Variants in CLSTN2 observed in about 807,000 individuals in gnomAD.
CLSTN2 encodes the protein calsyntenin-2.
In CLSTN2, 48 loss-of-function variants were observed where a neutral mutation model predicts 101.2. The ratio of observed to expected loss-of-function variants is 0.47; its 90% CI spans 0.38 to 0.60. CLSTN2 has a LOEUF of 0.60. Among genes scored for constraint, CLSTN2 ranks in the 20% least tolerant of loss-of-function variants. The pLI, the probability that CLSTN2 is intolerant of heterozygous loss-of-function variation, is 0.00. For synonymous variants in CLSTN2, 481 were observed against 463.6 expected, an observed-to-expected ratio of 1.04 and a Z score of -0.48; for missense variants, 1,160 against 1,238.2, an observed-to-expected ratio of 0.94 and a Z score of 0.95.
intron 1 of CLSTN2, among the ~76,000 whole-genome samples, chr3:140,142,293 A>G (rs1313898550): frequency 6.6e-6 from 1 of 152,154 alleles, no homozygotes; most frequent in Non-Finnish European, 1.5e-5. Context: ...GCTTGAAACA[A>G]GGGATGTCCA....
chr3:140,209,639 C>T (rs961063364), intron 2 of CLSTN2, among the ~76,000 whole-genome samples: 3 of 152,112 alleles, frequency 2.0e-5, no homozygotes, highest in African/African-American at 7.2e-5. Flanking sequence ...ACTGTCCGTA[C>T]TGCTGCCTGA....
chr3:140,124,665 G>A (rs2107801010), intron 1 of CLSTN2, among the ~76,000 whole-genome samples: 1 of 152,330 alleles, frequency 6.6e-6, no homozygotes, highest in East Asian at 1.9e-4. Flanking sequence ...GCAGCCATCA[G>A]AGGCCCTGTT....
chr3:140,023,113 C>T (rs952781758), intron 1 of CLSTN2, among the ~76,000 whole-genome samples: 2 of 152,148 alleles, frequency 1.3e-5, no homozygotes, highest in African/African-American at 4.8e-5. Flanking sequence ...CTGCCACTCA[C>T]CCAAAACCAG....
chr3:140,349,375 G>C (rs776791054), intron 2 of CLSTN2, among the ~76,000 whole-genome samples: 3 of 152,126 alleles, frequency 2.0e-5, no homozygotes, highest in Non-Finnish European at 2.9e-5. Flanking sequence ...TTTGTCACTG[G>C]GTCAGAACCT....
intron 8 of CLSTN2, among the ~76,000 whole-genome samples, chr3:140,483,334 A>G (rs1237461566): frequency 1.3e-5 from 2 of 152,038 alleles, no homozygotes; most frequent in Non-Finnish European, 2.9e-5. Context: ...CTGTTCTTTT[A>G]TATTTGCTGA....
intron 2 of CLSTN2, among the ~76,000 whole-genome samples, chr3:140,391,666 TAA>T (rs1293425722): frequency 2.0e-5 from 3 of 151,856 alleles, no homozygotes; most frequent in South Asian, 2.1e-4. Context: ...TTTACAATAT[TAA>T]GTTTTTTTAA....
rs538769251 is a variant in CLSTN2 at position 140,484,030 on chromosome 3, G to A, written c.1344+17299G>A. ...ATGATGTTAGCTGGTTATTTTGCTCGTTAGTTGATGCATTTTCTTCCTAGC... is the reference window on the plus strand; with the variant it reads ...ATGATGTTAGCTGGTTATTTTGCTCATTAGTTGATGCATTTTCTTCCTAGC... On this transcript the variant is annotated intron_variant, in intron 8 of 16. Transcript: ENST00000458420. Among the ~76,000 whole-genome samples, 10 of 152,230 alleles carry A rather than the reference G, an allele frequency of 6.6e-5. No individual in the cohort carries two copies. In the South Asian group the frequency reaches 1.0e-3, roughly 16 times the overall value.
chr3:140,089,511 C>T (rs896620252), intron 1 of CLSTN2, among the ~76,000 whole-genome samples: 18 of 152,092 alleles, frequency 1.2e-4, no homozygotes, highest in African/African-American at 3.9e-4. Context: ...CTCTAAACTC[C>T]CAAAGCAGTA....
intron 5 of CLSTN2, among the ~76,000 whole-genome samples, chr3:140,435,655 A>T (rs2108000605): frequency 6.6e-6 from 1 of 152,300 alleles, no homozygotes; most frequent in East Asian, 1.9e-4. Context: ...ACCGTTCTCC[A>T]TAGTAGTTGT....
At chr3:140,529,829 T>G (rs1480775283) in intron 8 of CLSTN2, among the ~76,000 whole-genome samples, 1 of 152,204 alleles carries the variant, frequency 6.6e-6, no homozygotes, top group Non-Finnish European at 1.5e-5. Context: ...CTGTTGATGT[T>G]GGAGAATATA....
chr3:140,344,482 T>C (rs1028996279), intron 2 of CLSTN2, among the ~76,000 whole-genome samples: 1 of 152,134 alleles, frequency 6.6e-6, no homozygotes, highest in Non-Finnish European at 1.5e-5. Flanking sequence ...TGAAGAGTAA[T>C]CTAATCTATC....
At chr3:140,012,418 C>T (rs1211304512) in intron 1 of CLSTN2, among the ~76,000 whole-genome samples, 3 of 152,114 alleles carry the variant, frequency 2.0e-5, no homozygotes, top group African/African-American at 4.8e-5. Flanking sequence ...AGCTTGGTGG[C>T]GATGCCGTCA....
intron 10 of CLSTN2, among the ~76,000 whole-genome samples, chr3:140,549,263 C>G (rs1432938110): frequency 6.8e-6 from 1 of 147,460 alleles, no homozygotes; most frequent in Non-Finnish European, 1.5e-5. Flanking sequence ...AAAAGTCATG[C>G]CTTTTAAAAA....
chr3:140,432,194 AG>A (rs1412725739), intron 5 of CLSTN2, among the ~76,000 whole-genome samples: 77 of 94,386 alleles, frequency 8.2e-4, no homozygotes, highest in Admixed American at 2.6e-3. Context: ...TTTCAGTCTC[AG>A]CTATGCCATA....
intron 12 of CLSTN2, 110 bp from the exon 13 acceptor site, chr3:140,562,028 C>G: frequency 2.2e-6 from 2 of 929,138 alleles, no homozygotes; most frequent in Non-Finnish European, 3.3e-6. Context: ...GACTCTGCTC[C>G]TGACCCAGCC....
chr3:140,250,273 A>C (rs924979046), intron 2 of CLSTN2, among the ~76,000 whole-genome samples: 1 of 152,174 alleles, frequency 6.6e-6, no homozygotes, highest in Admixed American at 6.5e-5. Flanking sequence ...ACGTACTTGG[A>C]TCTGGGAATA....
intron 1 of CLSTN2, among the ~76,000 whole-genome samples, chr3:140,158,472 T>G (rs1178070478): frequency 6.6e-6 from 1 of 152,064 alleles, no homozygotes; most frequent in Non-Finnish European, 1.5e-5. Context: ...TTGAAATACC[T>G]AAGAATACAG....
At chr3:139,977,030 A>G (rs1472902226) in intron 1 of CLSTN2, among the ~76,000 whole-genome samples, 1 of 152,032 alleles carries the variant, frequency 6.6e-6, no homozygotes, top group Non-Finnish European at 1.5e-5. Context: ...ACAAGCAGAC[A>G]CTCCATTTGC....
chr3:140,447,720 A>T (rs937465926), intron 5 of CLSTN2, among the ~76,000 whole-genome samples: 51 of 152,224 alleles, frequency 3.4e-4, no homozygotes, highest in African/African-American at 9.2e-4. Context: ...AACAAGGCAC[A>T]TGCCTTCCTA....
Sources: allele counts gnomAD v4.1 joint callset (sites outside exome capture counted in the v4.1 genomes callset), GRCh38; gene constraint gnomAD v4.1.1; transcripts MANE v1.5; gene names NCBI Gene and HGNC (gene_info 2026-07-23, HGNC 2026-07-21).